CNTNAP2: variants seen among roughly 807,000 people sequenced by gnomAD.
CNTNAP2 encodes contactin associated protein 2.
Under a neutral mutation model 155.2 loss-of-function variants are expected in CNTNAP2, and 98 were observed. The observed-to-expected ratio is 0.63, with a 90% CI of 0.54 to 0.75. The LOEUF (loss-of-function observed/expected upper bound fraction) is 0.75, where lower values mean the gene tolerates loss of function less well. Ranked by LOEUF, CNTNAP2 falls within the 30% of genes least tolerant of loss-of-function variation. The pLI is 0.00. For synonymous variants in CNTNAP2, 651 were observed against 631.2 expected (o/e 1.03, Z -0.47); for missense variants, 1,727 against 1,688.1 (o/e 1.02, Z -0.40).
At chr7:148,362,546 G>A (rs1158844967) in intron 21 of CNTNAP2, among the ~76,000 whole-genome samples, 4 of 152,138 alleles carry the variant, frequency 2.6e-5, no homozygotes, top group African/African-American at 9.7e-5. Flanking sequence ...TGAGGTTGGG[G>A]GATGTTCTGC....
chr7:146,117,291 T>C (rs1167528212), intron 1 of CNTNAP2: 3 of 328,672 alleles, frequency 9.1e-6, no homozygotes, highest in Non-Finnish European at 1.7e-5. Flanking sequence ...GAGAGTTAAC[T>C]GCATTTGGCT....
chr7:147,341,531 C>A (rs1354508250), intron 9 of CNTNAP2, among the ~76,000 whole-genome samples: 2 of 151,980 alleles, frequency 1.3e-5, no homozygotes, highest in African/African-American at 4.8e-5. Context: ...GGTTGAACTT[C>A]TTATGAACTT....
At chr7:147,241,734 C>T (rs188954749) in intron 8 of CNTNAP2, among the ~76,000 whole-genome samples, 2 of 151,544 alleles carry the variant, frequency 1.3e-5, no homozygotes, top group Non-Finnish European at 1.5e-5. Context: ...ATCCTTGCAA[C>T]TCCTCATTTC....
At chr7:146,494,429 T>C (rs1000280282) in intron 1 of CNTNAP2, among the ~76,000 whole-genome samples, 7 of 152,104 alleles carry the variant, frequency 4.6e-5, no homozygotes, top group Non-Finnish European at 7.4e-5. Flanking sequence ...TATTGAATAA[T>C]AATATTTTAA....
intron 1 of CNTNAP2, among the ~76,000 whole-genome samples, chr7:146,758,007 A>G (rs1802021888): frequency 6.6e-6 from 1 of 152,132 alleles, no homozygotes; most frequent in Non-Finnish European, 1.5e-5. Context: ...GAAAGCTTCA[A>G]AACCAAACAG....
At chr7:147,780,593 A>C (rs1797647935) in intron 13 of CNTNAP2, among the ~76,000 whole-genome samples, 1 of 152,228 alleles carries the variant, frequency 6.6e-6, no homozygotes, top group Admixed American at 6.5e-5. Flanking sequence ...GGACCAAAAA[A>C]TAAGAGGCAT....
intron 1 of CNTNAP2, among the ~76,000 whole-genome samples, chr7:146,605,698 T>C (rs1799035065): frequency 2.0e-5 from 3 of 152,152 alleles, no homozygotes; most frequent in Admixed American, 6.5e-5. Flanking sequence ...AAAAAGAAGA[T>C]AGAATGAAGT....
chr7:147,021,623 A>C (rs1798818498), intron 3 of CNTNAP2, among the ~76,000 whole-genome samples: 1 of 152,180 alleles, frequency 6.6e-6, no homozygotes, highest in South Asian at 2.1e-4. Context: ...TCTCCAAATC[A>C]AGCTGTTCTT....
chr7:146,451,731 A>G (rs937096693), intron 1 of CNTNAP2, among the ~76,000 whole-genome samples: 1 of 151,736 alleles, frequency 6.6e-6, no homozygotes, highest in African/African-American at 2.4e-5. Context: ...CTCAGCTTAA[A>G]TATCATTTTG....
chr7:146,553,798 CG>C (rs1798156095), intron 1 of CNTNAP2, among the ~76,000 whole-genome samples: 1 of 151,936 alleles, frequency 6.6e-6, no homozygotes, highest in Non-Finnish European at 1.5e-5. Context: ...TACATTCATA[CG>C]TAAGTGTGAG....
At chr7:146,387,741 G>A (rs1795480952) in intron 1 of CNTNAP2, among the ~76,000 whole-genome samples, 1 of 151,874 alleles carries the variant, frequency 6.6e-6, no homozygotes, top group Non-Finnish European at 1.5e-5. Flanking sequence ...CCTCATTTTG[G>A]TGGAGAAATG....
intron 1 of CNTNAP2, among the ~76,000 whole-genome samples, chr7:146,300,881 GA>G (rs1270779092): frequency 4.0e-5 from 6 of 151,846 alleles, no homozygotes; most frequent in African/African-American, 1.2e-4. Context: ...AAAACAAAGA[GA>G]AAAAAATATT....
At position 146,451,857 on chromosome 7, in the gene CNTNAP2, A is replaced by ACGTG. The variant is rs1182436142; in HGVS notation, c.98-322414_98-322413insCGTG. Reference sequence around the variant, plus strand: ...ATACATATATATATACACGTATTCTATATATATATATACGTATATATACAC... The same window carrying ACGTG: ...ATACATATATATATACACGTATTCTACGTGTATATATATATACGTATATATACAC... On this transcript the variant is annotated intron_variant, in intron 1 of 23. Coordinates refer to ENST00000361727, the MANE Select transcript of CNTNAP2 (RefSeq NM_014141.6). 1.3e-4 allele frequency among the ~76,000 whole-genome samples: 17 copies of ACGTG among 128,608 alleles called. 1 individual carries two copies. The highest frequency in any genetic ancestry group is 5.2e-4 in the African/African-American group (16 of 30,810). 84.4% of individuals were successfully genotyped at this position (128,608 alleles called of 152,430 possible).
chr7:146,467,789 T>A (rs1046235119), intron 1 of CNTNAP2, among the ~76,000 whole-genome samples: 3 of 152,174 alleles, frequency 2.0e-5, no homozygotes, highest in African/African-American at 4.8e-5. Context: ...TATTTACATA[T>A]GCTAGATAAA....
intron 1 of CNTNAP2, among the ~76,000 whole-genome samples, chr7:146,227,022 A>G (rs1799303493): frequency 6.6e-6 from 1 of 152,232 alleles, no homozygotes; most frequent in African/African-American, 2.4e-5. Flanking sequence ...AGAGAATACA[A>G]CTATGTATAA....
At chr7:146,569,990 A>G (rs1798416880) in intron 1 of CNTNAP2, among the ~76,000 whole-genome samples, 2 of 152,210 alleles carry the variant, frequency 1.3e-5, no homozygotes, top group South Asian at 2.1e-4. Context: ...CTACGTGTAT[A>G]TATCTTTTTC....
chr7:147,613,540 A>G (rs1249754067), intron 12 of CNTNAP2, among the ~76,000 whole-genome samples: 1 of 152,110 alleles, frequency 6.6e-6, no homozygotes, highest in South Asian at 2.1e-4. Flanking sequence ...CACTTTCTTT[A>G]AGAAATAATA....
chr7:146,603,425 A>T (rs1220692309), intron 1 of CNTNAP2, among the ~76,000 whole-genome samples: 1 of 150,542 alleles, frequency 6.6e-6, no homozygotes, highest in Non-Finnish European at 1.5e-5. Context: ...AAAAAAAAAG[A>T]TACAAACAAA....
intron 3 of CNTNAP2, among the ~76,000 whole-genome samples, chr7:146,889,764 A>G (rs1448308751): frequency 2.0e-5 from 3 of 152,142 alleles, no homozygotes; most frequent in African/African-American, 7.2e-5. Context: ...GCTCCTTCCT[A>G]TTATATTATC....
Sources: gnomAD v4.1 joint callset for allele counts (sites outside exome capture counted in the v4.1 genomes callset) on GRCh38, gnomAD v4.1.1 for gene constraint, MANE v1.5 for transcripts, NCBI Gene and HGNC (gene_info 2026-07-23, HGNC 2026-07-21) for gene names.